Variants in SLC9A9 observed in about 807,000 individuals in gnomAD.
SLC9A9 encodes the protein solute carrier family 9 member A9.
In SLC9A9, 62 loss-of-function variants were observed where a neutral mutation model predicts 77.8. The ratio of observed to expected loss-of-function variants is 0.80; its 90% confidence interval spans 0.65 to 0.98. SLC9A9 has a LOEUF of 0.98. SLC9A9 is among the 50% of genes least tolerant of loss of function. The probability of loss-of-function intolerance (pLI) is 0.00; values close to 1 mark genes in which losing one functional copy is unlikely to be tolerated. For missense variants in SLC9A9, 775 were observed against 774.9 expected (o/e 1.00, Z 0.00); for synonymous variants, 320 against 283.5 (o/e 1.13, Z -1.29).
At chr3:143,526,975 G>A (rs1364989747) in intron 9 of SLC9A9, among the ~76,000 whole-genome samples, 5 of 152,084 alleles carry the variant, frequency 3.3e-5, no homozygotes, top group Admixed American at 6.6e-5. Context: ...GTTTAAAGCC[G>A]ATCTGCCCTG....
intron 9 of SLC9A9, among the ~76,000 whole-genome samples, chr3:143,537,753 G>A (rs566328829): frequency 1.3e-5 from 2 of 152,220 alleles, no homozygotes; most frequent in African/African-American, 2.4e-5. Flanking sequence ...TACTCCCCCC[G>A]AAACTTTACC....
intron 14 of SLC9A9, among the ~76,000 whole-genome samples, chr3:143,355,460 A>G (rs1332964286): frequency 2.6e-5 from 4 of 152,226 alleles, no homozygotes; most frequent in African/African-American, 9.6e-5. Flanking sequence ...CATTTTTCAG[A>G]TGAGCGATGG....
intron 5 of SLC9A9, among the ~76,000 whole-genome samples, chr3:143,655,091 A>G (rs1031193509): frequency 6.6e-6 from 1 of 152,236 alleles, no homozygotes; most frequent in Admixed American, 6.5e-5. Flanking sequence ...AAGAGGGAGT[A>G]TTTTGCTGGG....
At chr3:143,513,734 A>G (rs1247990307) in intron 9 of SLC9A9, among the ~76,000 whole-genome samples, 3 of 152,236 alleles carry the variant, frequency 2.0e-5, no homozygotes, top group Admixed American at 2.0e-4. Context: ...CAGAATGGAT[A>G]TTTGTTAGCA....
At chr3:143,825,582 C>T (rs572193565) in intron 2 of SLC9A9, among the ~76,000 whole-genome samples, 1 of 152,290 alleles carries the variant, frequency 6.6e-6, no homozygotes, top group East Asian at 1.9e-4. Flanking sequence ...GAAACGAGCT[C>T]TGATGACCTA....
intron 4 of SLC9A9, among the ~76,000 whole-genome samples, chr3:143,793,226 T>C (rs2008273019): frequency 6.6e-6 from 1 of 152,128 alleles, no homozygotes; most frequent in Non-Finnish European, 1.5e-5. Flanking sequence ...AATTGAAATG[T>C]TTTAGATAAA....
intron 11 of SLC9A9, among the ~76,000 whole-genome samples, chr3:143,480,569 C>T (rs1463549563): frequency 1.3e-5 from 2 of 152,146 alleles, no homozygotes; most frequent in Non-Finnish European, 2.9e-5. Flanking sequence ...CTGGTTAACC[C>T]TATCCCATCT....
intron 11 of SLC9A9, among the ~76,000 whole-genome samples, chr3:143,473,362 T>C (rs906993717): frequency 2.6e-5 from 4 of 152,300 alleles, no homozygotes. Context: ...TACCTCTCAC[T>C]CAGAACCCCA....
chr3:143,621,242 CT>C (rs2038207201), intron 6 of SLC9A9, among the ~76,000 whole-genome samples: 1 of 152,216 alleles, frequency 6.6e-6, no homozygotes, highest in Non-Finnish European at 1.5e-5. Flanking sequence ...TTAAATGTCC[CT>C]GTCTGACAGC....
intron 14 of SLC9A9, among the ~76,000 whole-genome samples, chr3:143,300,299 G>C (rs1299551895): frequency 6.6e-6 from 1 of 152,210 alleles, no homozygotes; most frequent in Non-Finnish European, 1.5e-5. Context: ...GAGAATGCAT[G>C]TAGAGCACTT....
At chr3:143,626,219 G>A (rs1365272972) in intron 6 of SLC9A9, among the ~76,000 whole-genome samples, 1 of 152,174 alleles carries the variant, frequency 6.6e-6, no homozygotes, top group Non-Finnish European at 1.5e-5. Context: ...GATTCCTCAG[G>A]GATCTAGAAC....
In SLC9A9 at chr3:143,650,999, A is replaced by G. The variant is rs78296663; in HGVS notation, c.755+1256T>C. Among the ~76,000 whole-genome samples, 465 of 152,288 alleles carry G rather than the reference A, an allele frequency of 3.1e-3. 2 individuals are homozygous for G. Among genetic ancestry groups the G allele is most frequent in the African/African-American group, 0.011 (450 of 41,568 alleles). On this transcript the variant is annotated intron_variant, in intron 6 of 15. Coordinates refer to ENST00000316549, the MANE Select transcript of SLC9A9 (RefSeq NM_173653.4). ...GTCGGCATGATTCTTTCCCAAGCTC[A>G]TTTGCACTTTAGTGGTTTTGCTTTG...
chr3:143,711,577 A>C (rs1475972058), intron 4 of SLC9A9, among the ~76,000 whole-genome samples: 1 of 138,732 alleles, frequency 7.2e-6, no homozygotes, highest in Non-Finnish European at 1.5e-5. Flanking sequence ...TTTAAAAAAA[A>C]AATTTTTTTT....
Position 143,643,972 on chromosome 3 carries a change from G to A in SLC9A9, c.755+8283C>T, listed in dbSNP as rs200251416. On this transcript the variant is annotated intron_variant, in intron 6 of 15. Transcript: ENST00000316549. ...TTGGGAGAATGAAATGTTATTTTGA[G>A]CTAAAAAAAAAAAAAAGTAAGCCTG... Among the ~76,000 whole-genome samples the A allele has an allele frequency of 5.1e-3, 599 of 116,386 alleles. 5 individuals are homozygous for A. Among genetic ancestry groups the A allele is most frequent in the African/African-American group, 0.016 (567 of 34,386 alleles). 76.4% of individuals were successfully genotyped at this position (116,386 alleles called of 152,430 possible). A position where few individuals can be genotyped will look rare whatever the true frequency, so the allele number is the denominator to read the frequency against.
Position 143,422,160 on chromosome 3 carries a change from T to G in SLC9A9, c.1470-40046A>C, listed in dbSNP as rs534443287. On this transcript the variant is annotated intron_variant, in intron 12 of 15. Transcript: ENST00000316549. ...CACTGTAGATGGGAATGTAAATTAG[T>G]TCAGTCACTGTGGACAGCAGTTTGG... Among the ~76,000 whole-genome samples the G allele has an allele frequency of 3.9e-5, 6 of 152,306 alleles. No individual in the cohort carries two copies. In the South Asian group the frequency reaches 1.2e-3, roughly 32 times the overall value.
At position 143,515,256 on chromosome 3, in the gene SLC9A9, G is replaced by A. The variant is rs531877716; in HGVS notation, c.1090-19808C>T. ...AATAATTACAATAGTGACATCAAAC[G>A]TTGTGGATGACAGCTCATCATAACA... On this transcript the variant is annotated intron_variant, in intron 9 of 15. Coordinates refer to ENST00000316549, the MANE Select transcript of SLC9A9 (RefSeq NM_173653.4). 4.6e-5 allele frequency among the ~76,000 whole-genome samples: 7 copies of A among 152,280 alleles called. No homozygotes were observed. In the South Asian group the frequency reaches 1.0e-3, roughly 23 times the overall value.
At chr3:143,615,836 A>G (rs570805328) in intron 6 of SLC9A9, among the ~76,000 whole-genome samples, 1 of 152,202 alleles carries the variant, frequency 6.6e-6, no homozygotes, top group East Asian at 1.9e-4. Context: ...AGTGTAAATA[A>G]CAAAAGGAAA....
At chr3:143,699,946 G>GGAGA (rs1933750049) in intron 4 of SLC9A9, among the ~76,000 whole-genome samples, 1 of 151,720 alleles carries the variant, frequency 6.6e-6, no homozygotes, top group Non-Finnish European at 1.5e-5. Context: ...CTTGAGGAGA[G>GGAGA]GAGAGAGAAG....
At chr3:143,763,559 A>G (rs2007205181) in intron 4 of SLC9A9, among the ~76,000 whole-genome samples, 1 of 152,184 alleles carries the variant, frequency 6.6e-6, no homozygotes, top group Admixed American at 6.6e-5. Flanking sequence ...TCTGGTATCA[A>G]TTCAGCCTCC....
Sources: gnomAD v4.1 joint callset for allele counts (sites outside exome capture counted in the v4.1 genomes callset) on GRCh38, gnomAD v4.1.1 for gene constraint, MANE v1.5 for transcripts, NCBI Gene and HGNC (gene_info 2026-07-23, HGNC 2026-07-21) for gene names.